Variants in ANKRD53 observed in about 807,000 individuals in gnomAD.
ANKRD53 encodes ankyrin repeat domain-containing protein 53.
ANKRD53 carries 27 observed loss-of-function variants against 30.1 expected under a neutral mutation model. That is an observed-to-expected ratio of 0.90 (90% CI 0.66 to 1.24). ANKRD53 has a LOEUF of 1.24. Ranked by LOEUF, ANKRD53 falls within the 50% of genes most tolerant of loss-of-function variation. ANKRD53 has a pLI of 0.00. For missense variants in ANKRD53, 682 were observed against 721.0 expected, an observed-to-expected ratio of 0.95 and a Z score of 0.62; for synonymous variants, 286 against 295.4, an observed-to-expected ratio of 0.97 and a Z score of 0.33.
Position 70,978,906 on chromosome 2 carries a change from G to A in ANKRD53, c.170+91G>A. ...GGCAGGGCCTGGAGCGGGCGGGGGCGGAGGCTGCGGCCCGAGAAGCCAGCA... is the reference window on the plus strand; with the variant it reads ...GGCAGGGCCTGGAGCGGGCGGGGGCAGAGGCTGCGGCCCGAGAAGCCAGCA... On this transcript the variant is annotated intron_variant, in intron 1 of 5. Coordinates refer to ENST00000360589, the MANE Select transcript of ANKRD53 (RefSeq NM_001115116.2). This position sits in a 1 kb window ranked among gnomAD's most constrained non-coding sequence, Gnocchi z 4.3. The A allele has an allele frequency of 1.4e-6, 2 of 1,460,028 alleles. No individual in the cohort carries two copies. Among genetic ancestry groups the A allele is most frequent in the Admixed American group, 2.5e-5 (1 of 39,774 alleles). 90.4% of individuals were successfully genotyped at this position (1,460,028 alleles called of 1,614,324 possible). A position where few individuals can be genotyped will look rare whatever the true frequency, so the allele number is the denominator to read the frequency against.
At position 70,982,692 on chromosome 2, in the gene ANKRD53, T is replaced by C; in HGVS notation, c.898T>C (p.Tyr300His). The C allele has an allele frequency of 6.2e-7, 1 of 1,613,586 alleles. No individual in the cohort carries two copies. The highest frequency in any genetic ancestry group is 1.3e-5 in the African/African-American group (1 of 74,906). Residue 300 changes from tyrosine to histidine, a missense_variant, in exon 5 of 6, where the codon TAT (tyrosine) becomes CAT (histidine). Physicochemically the swap from Tyr to His is moderately conservative, Grantham distance 83. Coordinates refer to ENST00000360589, the MANE Select transcript of ANKRD53 (RefSeq NM_001115116.2). This position sits in a 1 kb window ranked among gnomAD's most constrained non-coding sequence, Gnocchi z 4.2. ...CATGGAGCACAACTACCTGATTGAG[T>C]ATCAAGTAAGGGGGACAGCAGGGGG... ...TLMEHNYLIEYQKEHKILREA... is the reference protein window; with the variant it reads ...TLMEHNYLIEHQKEHKILREA...
rs782731192 is a variant in ANKRD53, at chr2:70,979,171, C to T, written c.245C>T (p.Ser82Leu). The T allele has an allele frequency of 1.2e-6, 2 of 1,612,350 alleles. No individual in the cohort carries two copies. The highest frequency in any genetic ancestry group is 1.1e-5 in the South Asian group (1 of 91,070). The change falls in exon 2 of 6, where the codon TCG becomes TTG. Residue 82 changes from serine to leucine, a missense_variant. Physicochemically the swap from Ser to Leu is moderately radical, Grantham distance 145. Coordinates refer to ENST00000360589, the MANE Select transcript of ANKRD53 (RefSeq NM_001115116.2). ...CTCGCCAGGCCGCGCCGCCCTGCCTCGCTCACCCCGCCCCGCGCTGACCCC... is the reference window on the plus strand; with the variant it reads ...CTCGCCAGGCCGCGCCGCCCTGCCTTGCTCACCCCGCCCCGCGCTGACCCC... ...TALARPRRPA[S>L]LTPPRADPSP...
intron 5 of ANKRD53, chr2:70,984,009 C>A (rs954281427): frequency 1.3e-5 from 12 of 948,208 alleles, no homozygotes; most frequent in Non-Finnish European, 2.0e-5. Flanking sequence ...TTGCTGCCAC[C>A]GGGCCTGGAG....
rs1669950540 is a variant in ANKRD53, at chr2:70,979,773, C to T, written c.530C>T (p.Pro177Leu). 6.2e-7 allele frequency: 1 copy of T among 1,614,224 alleles called. No homozygotes were observed. The highest frequency in any genetic ancestry group is 8.5e-7 in the Non-Finnish European group (1 of 1,180,046). The change falls in exon 3 of 6, where the codon CCC (proline) becomes CTC (leucine). Residue 177 changes from proline to leucine, a missense_variant. Coordinates refer to ENST00000360589, the MANE Select transcript of ANKRD53 (RefSeq NM_001115116.2). Reference sequence around the variant, plus strand: ...CTGCTGACCAACAATAGCCAGACACCCCTGCACCTCGTCATCCACAGGGAC... The same window carrying T: ...CTGCTGACCAACAATAGCCAGACACTCCTGCACCTCGTCATCCACAGGGAC... ...VDLLTNNSQT[P>L]LHLVIHRDNT...
intron 5 of ANKRD53, chr2:70,984,350 T>C: frequency 6.3e-7 from 1 of 1,599,460 alleles, no homozygotes; most frequent in Non-Finnish European, 8.5e-7. Flanking sequence ...AGATTGGAGA[T>C]CCCCCCTTTG....
In ANKRD53 at chr2:70,982,016, G is replaced by C; in HGVS notation, c.698G>C (p.Ser233Thr). The C allele has an allele frequency of 2.5e-6, 4 of 1,613,758 alleles. No homozygotes were observed. Among genetic ancestry groups the C allele is most frequent in the East Asian group, 4.5e-5 (2 of 44,856 alleles). The change falls in exon 4 of 6, where the codon AGT becomes ACT. Residue 233 changes from serine (S) to threonine (T), a missense_variant. Physicochemically the swap from Ser to Thr is moderately conservative, Grantham distance 58. Coordinates refer to ENST00000360589, the MANE Select transcript of ANKRD53 (RefSeq NM_001115116.2). The surrounding 1 kb of genome is among the most constrained non-coding windows in gnomAD (Gnocchi z 4.2). The part of the protein sequence containing the change: ...LLDCVKVLVQ[S>T]GANVHAQDAM... ...GACTGTGTGAAGGTCCTGGTGCAGA[G>C]TGGCGCCAACGTCCATGCCCAAGAT...
chr2:70,979,424 T>G, intron 2 of ANKRD53, 81 bp downstream of exon 2: 1 of 1,584,350 alleles, frequency 6.3e-7, no homozygotes, highest in Non-Finnish European at 8.6e-7. Context: ...AGAAGAGATA[T>G]CCTTTTCTGG....
chr2:70,984,341 G>A, intron 5 of ANKRD53: 1 of 1,603,424 alleles, frequency 6.2e-7, no homozygotes, highest in Admixed American at 1.8e-5. Flanking sequence ...TCTCCCATCA[G>A]ATTGGAGATC....
In ANKRD53 at chr2:70,979,747, C is replaced by A; in HGVS notation, c.504C>A (p.Asp168Glu). 1 of 1,614,242 alleles carries A rather than the reference C, an allele frequency of 6.2e-7. No individual in the cohort carries two copies. Among genetic ancestry groups the A allele is most frequent in the Non-Finnish European group, 8.5e-7 (1 of 1,180,046 alleles). The change falls in exon 3 of 6, where the codon GAC becomes GAA. Residue 168 changes from aspartate (D) to glutamate (E), a missense_variant. Asp to Glu is a conservative substitution (Grantham distance 45). Transcript: ENST00000360589. ...TAGAGGAGTACAAGTTTCCCGTGGA[C>A]CTGCTGACCAACAATAGCCAGACAC... ...VLVEEYKFPV[D>E]LLTNNSQTPL... is the part of the protein sequence containing the mutation.
rs551483451 is a variant in ANKRD53 at position 70,984,594 on chromosome 2, G to A, written c.904-17G>A. 2.5e-6 allele frequency: 4 copies of A among 1,612,224 alleles called. No individual in the cohort carries two copies. In the South Asian group the frequency reaches 3.3e-5, roughly 13 times the overall value. On this transcript the variant is annotated splice_polypyrimidine_tract_variant and intron_variant, in intron 5 of 5. Transcript: ENST00000360589. The stretch of plus-strand genomic sequence containing the variant: ...CAGCAGTCCTCCATGACTCTCTTGT[G>A]CCCTCTGTTGTTGCAGAAAGAGCAC...
At chr2:70,981,388 G>A (rs915629392) in intron 3 of ANKRD53, among the ~76,000 whole-genome samples, 1 of 152,070 alleles carries the variant, frequency 6.6e-6, no homozygotes, top group Non-Finnish European at 1.5e-5. Context: ...AAGCAGGTAG[G>A]GGGAGGATCT....
In ANKRD53 at chr2:70,982,016, G is replaced by A. The variant is rs1272811343; in HGVS notation, c.698G>A (p.Ser233Asn). The A allele has an allele frequency of 7.4e-6, 12 of 1,613,640 alleles. No homozygotes were observed. Among genetic ancestry groups the A allele is most frequent in the Admixed American group, 1.7e-5 (1 of 59,956 alleles). The change falls in exon 4 of 6, where the codon AGT (serine) becomes AAT (asparagine). Residue 233 changes from serine to asparagine, a missense_variant. Physicochemically the swap from Ser to Asn is conservative, Grantham distance 46 (BLOSUM62 1). Transcript: ENST00000360589. The surrounding 1 kb of genome is among the most constrained non-coding windows in gnomAD (Gnocchi z 4.2). ...GACTGTGTGAAGGTCCTGGTGCAGAGTGGCGCCAACGTCCATGCCCAAGAT... is the reference window on the plus strand; with the variant it reads ...GACTGTGTGAAGGTCCTGGTGCAGAATGGCGCCAACGTCCATGCCCAAGAT... ...LLDCVKVLVQ[S>N]GANVHAQDAM...
At chr2:70,981,009 C>T (rs2104854181) in intron 3 of ANKRD53, among the ~76,000 whole-genome samples, 1 of 152,278 alleles carries the variant, frequency 6.6e-6, no homozygotes, top group East Asian at 1.9e-4. Context: ...TTTAATGGGT[C>T]TGTGGTGTGA....
Position 70,984,844 on chromosome 2 carries a change from G to A in ANKRD53, c.1137G>A (p.Thr379=), listed in dbSNP as rs1459063835. The A allele has an allele frequency of 1.4e-5, 22 of 1,551,718 alleles. No individual in the cohort carries two copies. The highest frequency in any genetic ancestry group is 1.7e-4 in the Middle Eastern group (1 of 6,014). ...CCAAGCCCATCTACAGGAAGCCCAC[G>A]GTCAAGCGGCCCACAATGTGGAATG... ...EMPKPIYRKP[T]VKRPTMWNVS... The change falls in exon 6 of 6, where the codon ACG becomes ACA. Residue 379 remains threonine, a synonymous_variant. Coordinates refer to ENST00000360589, the MANE Select transcript of ANKRD53 (RefSeq NM_001115116.2).
Position 70,981,993 on chromosome 2 carries a change from C to A in ANKRD53, c.675C>A (p.Asp225Glu). The change falls in exon 4 of 6, where the codon GAC (aspartate) becomes GAA (glutamate). Residue 225 changes from aspartate (D) to glutamate (E), a missense_variant. Physicochemically the swap from Asp to Glu is conservative, Grantham distance 45 (BLOSUM62 2). Transcript: ENST00000360589. ...LHLAARDGLL[D>E]CVKVLVQSGA... Reference sequence around the variant, plus strand: ...TGGCAGCCCGTGACGGCTTGCTGGACTGTGTGAAGGTCCTGGTGCAGAGTG... The same window carrying A: ...TGGCAGCCCGTGACGGCTTGCTGGAATGTGTGAAGGTCCTGGTGCAGAGTG... 1 of 1,613,014 alleles carries A rather than the reference C, an allele frequency of 6.2e-7. No individual in the cohort carries two copies. The highest frequency in any genetic ancestry group is 8.5e-7 in the Non-Finnish European group (1 of 1,179,452).
At chr2:70,981,250 C>T (rs190368310) in intron 3 of ANKRD53, among the ~76,000 whole-genome samples, 36 of 152,318 alleles carry the variant, frequency 2.4e-4, no homozygotes, top group Non-Finnish European at 1.5e-5. Flanking sequence ...AATGGTCCCT[C>T]TCCTCACGAA....
intron 5 of ANKRD53, chr2:70,984,270 T>G (rs782518300): frequency 6.2e-7 from 1 of 1,614,152 alleles, no homozygotes. Flanking sequence ...AGGTTTTCCC[T>G]AGGGCAGGGA....
Position 70,982,722 on chromosome 2 carries a change from G to A in ANKRD53, c.903+25G>A. On this transcript the variant is annotated intron_variant, in intron 5 of 5. Transcript: ENST00000360589. The surrounding 1 kb of genome is among the most constrained non-coding windows in gnomAD (Gnocchi z 4.2). Reference sequence around the variant, plus strand: ...AGTAAGGGGGACAGCAGGGGGGCCAGGGGACAGCTGCTATCCAGGCATGTG... The same window carrying A: ...AGTAAGGGGGACAGCAGGGGGGCCAAGGGACAGCTGCTATCCAGGCATGTG... 2 of 1,611,156 alleles carry A rather than the reference G, an allele frequency of 1.2e-6. No homozygotes were observed. The highest frequency in any genetic ancestry group is 1.3e-5 in the African/African-American group (1 of 74,970).
upstream of ANKRD53, chr2:70,978,588 G>C (rs1669895371): frequency 7.0e-7 from 1 of 1,422,148 alleles, no homozygotes. The surrounding 1 kb of genome is among the most constrained non-coding windows in gnomAD (Gnocchi z 4.3). Context: ...CCCGGGGGCG[G>C]GGCGCCGGCG....
Sources: allele counts gnomAD v4.1 joint callset (sites outside exome capture counted in the v4.1 genomes callset), GRCh38; gene constraint gnomAD v4.1.1; non-coding constraint Gnocchi (gnomAD v3.1); transcripts MANE v1.5; gene names NCBI Gene and HGNC (gene_info 2026-07-23, HGNC 2026-07-21).